RNF157: variants seen among roughly 807,000 people sequenced by gnomAD.
The protein encoded by RNF157 is E3 ubiquitin ligase RNF157.
In RNF157, 55 loss-of-function variants were observed where a neutral mutation model predicts 88.3. That is an observed-to-expected ratio of 0.62 (90% CI 0.50 to 0.78). RNF157 has a LOEUF of 0.78. Ranked by LOEUF, RNF157 falls within the 30% of genes least tolerant of loss-of-function variation. The pLI, the probability that RNF157 is intolerant of heterozygous loss-of-function variation, is 0.00. For missense variants in RNF157, 788 were observed against 860.8 expected, an observed-to-expected ratio of 0.92 and a Z score of 1.06; for synonymous variants, 334 against 341.2, an observed-to-expected ratio of 0.98 and a Z score of 0.23.
intron 3 of RNF157, among the ~76,000 whole-genome samples, chr17:76,168,559 TGAG>T (rs2068964354): frequency 6.6e-6 from 1 of 152,136 alleles, no homozygotes; most frequent in Non-Finnish European, 1.5e-5. Flanking sequence ...TTCATCTTAT[TGAG>T]GAGGTCCCTT....
chr17:76,201,684 C>T (rs781498888), intron 2 of RNF157, among the ~76,000 whole-genome samples: 3 of 151,890 alleles, frequency 2.0e-5, no homozygotes, highest in South Asian at 2.1e-4. Context: ...TATTTTTATC[C>T]GAAATGAAAT....
chr17:76,153,608 C>T lies in RNF157; in HGVS notation c.1810+675G>A, dbSNP rs1868821. 0.36 allele frequency: 55,299 copies of T among 152,232 alleles called. 12,101 individuals are homozygous for T. The highest frequency in any genetic ancestry group is 0.62 in the African/African-American group (25,816 of 41,450). 9.4% of individuals were successfully genotyped at this position (152,232 alleles called of 1,614,324 possible). On this transcript the variant is annotated intron_variant, in intron 17 of 18. Coordinates refer to ENST00000269391, the MANE Select transcript of RNF157 (RefSeq NM_052916.3). ...TTTCCTGCCCTCCTTCTTCCTCCTA[C>T]GTCCTTGCTCTGTGGGCCATTCCTT...
intron 2 of RNF157, among the ~76,000 whole-genome samples, chr17:76,189,061 T>C (rs186115929): frequency 1.3e-5 from 2 of 152,128 alleles, no homozygotes; most frequent in East Asian, 1.9e-4. Flanking sequence ...CAAGGAAAAA[T>C]TGAGAAACTA....
At position 76,155,275 on chromosome 17, in the gene RNF157, G is replaced by A. The variant is rs943679972; in HGVS notation, c.1741C>T (p.Pro581Ser). The A allele has an allele frequency of 1.9e-6, 3 of 1,614,228 alleles. No individual in the cohort carries two copies. The highest frequency in any genetic ancestry group is 8.5e-7 in the Non-Finnish European group (1 of 1,180,036). ...ACCTCTGCATCCTGCTCTCCAGCTG[G>A]GAGGCCAGCAAAGTTGCTGTCTGGA... Reference protein sequence around the residue: ...ESPDSNFAGLPAGEQDAEGND... With the variant: ...ESPDSNFAGLSAGEQDAEGND... Residue 581 changes from proline (P) to serine (S), a missense_variant, in exon 16 of 19, where the codon CCA becomes TCA. Pro to Ser is a moderately conservative substitution (Grantham distance 74). Coordinates refer to ENST00000269391, the MANE Select transcript of RNF157 (RefSeq NM_052916.3).
intron 2 of RNF157, among the ~76,000 whole-genome samples, chr17:76,198,800 G>C (rs760010514): frequency 6.6e-6 from 1 of 152,210 alleles, no homozygotes; most frequent in Non-Finnish European, 1.5e-5. Context: ...GAAGCTCACA[G>C]GGAGGCATAC....
chr17:76,211,007 GT>G (rs755646129), intron 2 of RNF157, among the ~76,000 whole-genome samples: 17 of 152,280 alleles, frequency 1.1e-4, no homozygotes, highest in African/African-American at 2.9e-4. Context: ...GTTTCACCAT[GT>G]TGGCCAGGCT....
chr17:76,162,060 T>C, intron 9 of RNF157, 58 bp from the exon 10 acceptor site: 1 of 1,553,842 alleles, frequency 6.4e-7, no homozygotes, highest in Non-Finnish European at 8.8e-7. Context: ...TCCCATACTT[T>C]ACTGACAAGG....
At chr17:76,207,136 C>CTGGG (rs1234911027) in intron 2 of RNF157, among the ~76,000 whole-genome samples, 1 of 152,088 alleles carries the variant, frequency 6.6e-6, no homozygotes, top group African/African-American at 2.4e-5. Context: ...TGGCTTTGGG[C>CTGGG]CGGGCTTGGT....
chr17:76,163,347 C>T (rs2068874302), intron 8 of RNF157: 2 of 152,318 alleles, frequency 1.3e-5, no homozygotes, highest in South Asian at 2.1e-4. Context: ...GTGTGCACCA[C>T]CATGCCTGGC....
intron 2 of RNF157, among the ~76,000 whole-genome samples, chr17:76,179,666 C>A (rs1454204297): frequency 6.6e-6 from 1 of 152,166 alleles, no homozygotes; most frequent in East Asian, 1.9e-4. Flanking sequence ...GCACTCCAGC[C>A]TGGGCAACAA....
chr17:76,208,192 G>A (rs1016443929), intron 2 of RNF157, among the ~76,000 whole-genome samples: 1 of 152,232 alleles, frequency 6.6e-6, no homozygotes, highest in East Asian at 1.9e-4. Context: ...TGAGCAGCTG[G>A]GACTACAGGC....
chr17:76,146,614 C>T lies in RNF157; in HGVS notation c.1922-1261G>A, dbSNP rs887375032. ...CCTCCCCTCACGAGGCATCTCTGGC[C>T]GGGGGAGGCCCAGTGTGCTCCTAAG... On this transcript the variant is annotated intron_variant, in intron 18 of 18. Coordinates refer to ENST00000269391, the MANE Select transcript of RNF157 (RefSeq NM_052916.3). This position sits in a 1 kb window ranked among gnomAD's most constrained non-coding sequence, Gnocchi z 4.2. The T allele has an allele frequency of 3.3e-5, 33 of 985,456 alleles. 2 individuals carry two copies. The Admixed American group carries it at 5.5e-4, about 16-fold the overall frequency. 61.0% of individuals were successfully genotyped at this position (985,456 alleles called of 1,614,324 possible).
chr17:76,214,851 T>C (rs1176987278), intron 1 of RNF157, among the ~76,000 whole-genome samples: 1 of 152,200 alleles, frequency 6.6e-6, no homozygotes, highest in Admixed American at 6.5e-5. Context: ...CAGGATATGA[T>C]GGAACTGAGA....
chr17:76,221,891 T>C (rs1248068306), intron 1 of RNF157, among the ~76,000 whole-genome samples: 1 of 152,114 alleles, frequency 6.6e-6, no homozygotes, highest in Non-Finnish European at 1.5e-5. Flanking sequence ...TCCAAAACAG[T>C]ATGCTGAGAC....
In RNF157 at chr17:76,240,178, G is replaced by A; in HGVS notation, c.63C>T (p.Ser21=). Residue 21 remains serine (S), a synonymous_variant, in exon 1 of 19, where the codon TCC becomes TCT. Transcript: ENST00000269391. This position sits in a 1 kb window ranked among gnomAD's most constrained non-coding sequence, Gnocchi z 4.4. ...CGGACTTGGGCGGGTAGCGGTACAC[G>A]GAATTAGACGGGATGTCCACCTCCT... ...GVEEVDIPSN[S]VYRYPPKSGS... 4 of 1,390,258 alleles carry A rather than the reference G, an allele frequency of 2.9e-6. No homozygotes were observed. The highest frequency in any genetic ancestry group is 3.6e-5 in the South Asian group (2 of 55,326). 86.1% of individuals were successfully genotyped at this position (1,390,258 alleles called of 1,614,324 possible).
At position 76,150,014 on chromosome 17, in the gene RNF157, C is replaced by G. The variant is rs545540088; in HGVS notation, c.1921+2341G>C. Reference sequence around the variant, plus strand: ...CGCCACTGCACTCCAGGCTGGGCGACAGAGCGAGACTCTGTCTCAAAAAAA... The same window carrying G: ...CGCCACTGCACTCCAGGCTGGGCGAGAGAGCGAGACTCTGTCTCAAAAAAA... On this transcript the variant is annotated intron_variant, in intron 18 of 18. Transcript: ENST00000269391. Among the ~76,000 whole-genome samples, 3 of 152,250 alleles carry G rather than the reference C, an allele frequency of 2.0e-5. No homozygotes were observed. In the South Asian group the frequency reaches 6.2e-4, roughly 32 times the overall value.
intron 2 of RNF157, among the ~76,000 whole-genome samples, chr17:76,197,285 C>T (rs749480133): frequency 6.6e-6 from 1 of 152,176 alleles, no homozygotes; most frequent in African/African-American, 2.4e-5. Flanking sequence ...ACAGTAAGGA[C>T]TGTGAAACTG....
chr17:76,167,674 T>G lies in RNF157; in HGVS notation c.420A>C (p.Glu140Asp). 3 of 1,614,194 alleles carry G rather than the reference T, an allele frequency of 1.9e-6. No homozygotes were observed. The highest frequency in any genetic ancestry group is 2.5e-6 in the Non-Finnish European group (3 of 1,180,026). Reference protein sequence around the residue: ...VAITIYYQATEEFQNGIASYI... With the variant: ...VAITIYYQATDEFQNGIASYI... ...ACCTGGCAATACCATTCTGGAACTC[T>G]TCCGTGGCCTGGTAATAGATGGTGA... Residue 140 changes from glutamate (E) to aspartate (D), a missense_variant, in exon 4 of 19, where the codon GAA becomes GAC. By Grantham distance (45) the Glu-to-Asp change is conservative. Transcript: ENST00000269391.
chr17:76,200,932 T>C (rs2069565604), intron 2 of RNF157, among the ~76,000 whole-genome samples: 1 of 152,086 alleles, frequency 6.6e-6, no homozygotes, highest in Non-Finnish European at 1.5e-5. Flanking sequence ...TCTGGTTTTC[T>C]GTCTTTCTCC....
Sources: gnomAD v4.1 joint callset for allele counts (sites outside exome capture counted in the v4.1 genomes callset) on GRCh38, gnomAD v4.1.1 for gene constraint, Gnocchi (gnomAD v3.1) non-coding constraint, MANE v1.5 for transcripts, NCBI Gene and HGNC (gene_info 2026-07-23, HGNC 2026-07-21) for gene names.